The following TNN variants were observed in gnomAD, a reference collection of about 807,000 sequenced individuals.
TNN encodes tenascin N.
In TNN, 122 loss-of-function variants were observed where a neutral mutation model predicts 134.4. The observed-to-expected ratio is 0.91, with a 90% CI of 0.78 to 1.06. The LOEUF (loss-of-function observed/expected upper bound fraction) is 1.06. TNN is among the 50% of genes least tolerant of loss of function. TNN has a pLI of 0.00. For synonymous variants in TNN, 710 were observed against 670.3 expected, an observed-to-expected ratio of 1.06 and a Z score of -0.91; for missense variants, 1,739 against 1,699.4, an observed-to-expected ratio of 1.02 and a Z score of -0.41.
At chr1:175,091,573 T>G (rs1397974359) in intron 6 of TNN, among the ~76,000 whole-genome samples, 4 of 148,618 alleles carry the variant, frequency 2.7e-5, no homozygotes, top group Non-Finnish European at 6.0e-5. Flanking sequence ...ATTTATTTAT[T>G]TATTTATTTA....
At chr1:175,130,776 C>T (rs2101846749) in intron 15 of TNN, among the ~76,000 whole-genome samples, 1 of 152,260 alleles carries the variant, frequency 6.6e-6, no homozygotes, top group East Asian at 1.9e-4. Flanking sequence ...AATCCCTGCC[C>T]CCAAGGAGCT....
intron 7 of TNN, 96 bp from the exon 8 acceptor site, chr1:175,097,321 C>A: frequency 4.1e-6 from 6 of 1,478,406 alleles, no homozygotes; most frequent in Non-Finnish European, 5.5e-6. Flanking sequence ...GAGACTCTGA[C>A]ATTTGTTGAG....
intron 9 of TNN, among the ~76,000 whole-genome samples, chr1:175,112,596 ATCTTTT>A (rs1675058404): frequency 1.2e-4 from 1 of 8,066 alleles, no homozygotes; most frequent in African/African-American, 2.8e-4. Context: ...CAGCCGGCCG[ATCTTTT>A]TTTTTTTTTT....
chr1:175,077,731 G>T lies in TNN; in HGVS notation c.313G>T (p.Val105Phe). ...GAAGGACTGCGAGTTGGCAGGCAGTGTCCAGGACCTCCTGGCCCGGGTGAA... is the reference window on the plus strand; with the variant it reads ...GAAGGACTGCGAGTTGGCAGGCAGTTTCCAGGACCTCCTGGCCCGGGTGAA... ...PQKDCELAGSVQDLLARVKKL... is the reference protein window; with the variant it reads ...PQKDCELAGSFQDLLARVKKL... The change falls in exon 2 of 19, where the codon GTC becomes TTC. Residue 105 changes from valine to phenylalanine, a missense_variant. Transcript: ENST00000239462. 1 of 1,614,248 alleles carries T rather than the reference G, an allele frequency of 6.2e-7. No homozygotes were observed. Among genetic ancestry groups the T allele is most frequent in the Non-Finnish European group, 8.5e-7 (1 of 1,180,040 alleles).
intron 6 of TNN, among the ~76,000 whole-genome samples, chr1:175,091,848 C>T (rs1353136390): frequency 6.6e-6 from 1 of 152,144 alleles, no homozygotes; most frequent in East Asian, 1.9e-4. Flanking sequence ...GCTTCACCTC[C>T]CAAAGTGCTG....
rs371486038 is a variant in TNN at position 175,117,040 on chromosome 1, C to T, written c.2221C>T (p.Arg741Cys). 3.7e-5 allele frequency: 59 copies of T among 1,614,064 alleles called. No homozygotes were observed. In the Admixed American group the frequency reaches 5.0e-4, roughly 14 times the overall value. ...VRATIDRYVV[R>C]YTSAKDGETR... is the part of the protein sequence containing the mutation. ...GGCCACCATTGACAGGTATGTGGTGCGCTACACCTCTGCCAAGGACGGAGA... is the reference window on the plus strand; with the variant it reads ...GGCCACCATTGACAGGTATGTGGTGTGCTACACCTCTGCCAAGGACGGAGA... Residue 741 changes from arginine (R) to cysteine (C), a missense_variant, in exon 10 of 19, where the codon CGC (arginine) becomes TGC (cysteine). Physicochemically the swap from Arg to Cys is radical, Grantham distance 180. Transcript: ENST00000239462.
chr1:175,114,578 A>G (rs1434707817), intron 9 of TNN, among the ~76,000 whole-genome samples: 2 of 152,186 alleles, frequency 1.3e-5, no homozygotes, highest in Admixed American at 6.5e-5. Flanking sequence ...AGGTCTTGTG[A>G]ACCTATAGTG....
At chr1:175,089,254 C>G (rs1247320821) in intron 6 of TNN, among the ~76,000 whole-genome samples, 1 of 152,198 alleles carries the variant, frequency 6.6e-6, no homozygotes, top group Non-Finnish European at 1.5e-5. Flanking sequence ...ACAGCCTAAG[C>G]ATGTGCAGGA....
chr1:175,111,486 C>CA lies in TNN; in HGVS notation c.2120-5423dup, dbSNP rs59538028. Among the ~76,000 whole-genome samples, 89 of 62,534 alleles carry CA rather than the reference C, an allele frequency of 1.4e-3. 4 individuals carry two copies. Among genetic ancestry groups the CA allele is most frequent in the African/African-American group, 3.9e-3 (67 of 17,154 alleles). 41.0% of individuals were successfully genotyped at this position (62,534 alleles called of 152,430 possible). A position where few individuals can be genotyped will look rare whatever the true frequency, so the allele number is the denominator to read the frequency against. On this transcript the variant is annotated intron_variant, in intron 9 of 18. Coordinates refer to ENST00000239462, the MANE Select transcript of TNN (RefSeq NM_022093.2). Reference sequence around the variant, plus strand: ...TGGGAAACAGAGCGAGACTCTGTCTCAAAAAAAAAAAAAAAAAAAAAAAAA... The same window carrying CA: ...TGGGAAACAGAGCGAGACTCTGTCTCAAAAAAAAAAAAAAAAAAAAAAAAAA...
At position 175,085,605 on chromosome 1, in the gene TNN, T is replaced by G. The variant is rs1013810727; in HGVS notation, c.1324+111T>G. On this transcript the variant is annotated intron_variant, in intron 6 of 18. Coordinates refer to ENST00000239462, the MANE Select transcript of TNN (RefSeq NM_022093.2). ...TTCTGGGATTTGCAGACAGACGGGG[T>G]GGCTCACGCCTGTAATCCCAGCACT... 4 of 798,736 alleles carry G rather than the reference T, an allele frequency of 5.0e-6. No individual in the cohort carries two copies. In the African/African-American group the frequency reaches 6.8e-5, roughly 14 times the overall value. The allele number at this position is 798,736 out of a possible 1,614,324, so 49.5% of individuals were successfully genotyped here. A position where few individuals can be genotyped will look rare whatever the true frequency, so the allele number is the denominator to read the frequency against.
chr1:175,144,357 G>T (rs1351762375), intron 17 of TNN, 30 bp from the exon 18 acceptor site: 6 of 1,607,314 alleles, frequency 3.7e-6, no homozygotes, highest in Non-Finnish European at 4.3e-6. Context: ...CTAACCCTGG[G>T]CTCTCGCCTC....
At chr1:175,094,737 C>T (rs907886256) in intron 7 of TNN, among the ~76,000 whole-genome samples, 5 of 152,222 alleles carry the variant, frequency 3.3e-5, no homozygotes, top group Non-Finnish European at 7.3e-5. Context: ...TCTCATACTT[C>T]ACCCAGTCAT....
Position 175,085,374 on chromosome 1 carries a change from CTCACATCCTGCG to C in TNN, c.1235-30_1235-19del. 6.8e-7 allele frequency: 1 copy of C among 1,465,926 alleles called. No homozygotes were observed. Among genetic ancestry groups the C allele is most frequent in the Non-Finnish European group, 9.5e-7 (1 of 1,047,888 alleles). The allele number at this position is 1,465,926 out of a possible 1,614,324, so 90.8% of individuals were successfully genotyped here. A position where few individuals can be genotyped will look rare whatever the true frequency, so the allele number is the denominator to read the frequency against. On this transcript the variant is annotated intron_variant, in intron 5 of 18. Transcript: ENST00000239462. Reference sequence around the variant, plus strand: ...TGGGGAGAGGGGTCTGGAGCCTGCACTCACATCCTGCGCTGCCTGCTTGTTTCCAGGTCTGCA... The same window carrying C: ...TGGGGAGAGGGGTCTGGAGCCTGCACCTGCCTGCTTGTTTCCAGGTCTGCA...
chr1:175,145,219 A>G (rs1296357858), intron 18 of TNN, among the ~76,000 whole-genome samples: 1 of 151,888 alleles, frequency 6.6e-6, no homozygotes, highest in Non-Finnish European at 1.5e-5. Flanking sequence ...TTTATAACAA[A>G]CACTGCCTAC....
In TNN at chr1:175,136,894, C is replaced by A. The variant is rs778158556; in HGVS notation, c.3501C>A (p.Ala1167=). ...AGGTGAGAGTGGATTTACAGACTGC[C>A]AATGAATCTGCCTATGCTATATATG... ...RYEVRVDLQT[A]NESAYAIYDF... The change falls in exon 17 of 19, where the codon GCC becomes GCA. Residue 1167 remains alanine (A), a synonymous_variant. Transcript: ENST00000239462. The A allele has an allele frequency of 6.2e-7, 1 of 1,614,194 alleles. No individual in the cohort carries two copies. Among genetic ancestry groups the A allele is most frequent in the Admixed American group, 1.7e-5 (1 of 60,020 alleles).
chr1:175,079,695 G>T lies in TNN; in HGVS notation c.772G>T (p.Asp258Tyr), dbSNP rs143824761. The T allele has an allele frequency of 3.4e-4, 544 of 1,598,240 alleles. No individual in the cohort carries two copies. The highest frequency in any genetic ancestry group is 4.0e-4 in the Non-Finnish European group (472 of 1,170,652). ...CYCEEGFTGL[D>Y]CAQVVTPQGL... ...CTGCGAGGAGGGCTTCACAGGCCTG[G>T]ACTGTGCCCAGGGTGAGAGCGGAGA... The change falls in exon 3 of 19, where the codon GAC (aspartate) becomes TAC (tyrosine). Residue 258 changes from aspartate to tyrosine, a missense_variant. Transcript: ENST00000239462.
At chr1:175,113,968 A>G (rs924143067) in intron 9 of TNN, among the ~76,000 whole-genome samples, 5 of 152,106 alleles carry the variant, frequency 3.3e-5, no homozygotes, top group African/African-American at 1.2e-4. Context: ...TTCTGATTTC[A>G]TCAAATAGTC....
intron 9 of TNN, among the ~76,000 whole-genome samples, chr1:175,110,630 T>TC (rs766210234): frequency 1.9e-4 from 29 of 152,366 alleles, no homozygotes; most frequent in Admixed American, 1.6e-3. Flanking sequence ...GCCTGTTCTT[T>TC]CCCCATTGAA....
chr1:175,091,744 C>G (rs893567167), intron 6 of TNN, among the ~76,000 whole-genome samples: 1 of 152,130 alleles, frequency 6.6e-6, no homozygotes, highest in South Asian at 2.1e-4. Flanking sequence ...ATGTACCACC[C>G]TGCCCGGCTA....
Sources: allele counts gnomAD v4.1 joint callset (sites outside exome capture counted in the v4.1 genomes callset), GRCh38; gene constraint gnomAD v4.1.1; transcripts MANE v1.5; gene names NCBI Gene and HGNC (gene_info 2026-07-23, HGNC 2026-07-21).